The following TTLL1 variants were observed in gnomAD, a reference collection of about 807,000 sequenced individuals.
The protein encoded by TTLL1 is polyglutamylase complex subunit TTLL1.
Under a neutral mutation model 47.8 loss-of-function variants are expected in TTLL1, and 33 were observed. The ratio of observed to expected loss-of-function variants is 0.69; its 90% CI spans 0.52 to 0.92. TTLL1 has a LOEUF of 0.92. TTLL1 is among the 40% of genes least tolerant of loss of function. The pLI, the probability that TTLL1 is intolerant of heterozygous loss-of-function variation, is 0.00. For synonymous variants in TTLL1, 225 were observed against 214.1 expected (o/e 1.05, Z -0.45); for missense variants, 488 against 547.5 (o/e 0.89, Z 1.08).
At chr22:43,088,454 A>G (rs1189764333) in intron 1 of TTLL1, among the ~76,000 whole-genome samples, 1 of 143,746 alleles carries the variant, frequency 7.0e-6, no homozygotes, top group Non-Finnish European at 1.5e-5. Flanking sequence ...CTCCTGCCTC[A>G]GCCTCCCGAG....
At chr22:43,058,466 C>A (rs1333420475) in intron 8 of TTLL1, among the ~76,000 whole-genome samples, 1 of 152,192 alleles carries the variant, frequency 6.6e-6, no homozygotes, top group African/African-American at 2.4e-5. Flanking sequence ...AGACAAGACG[C>A]TGCTGGAAGT....
At chr22:43,069,391 CAAAAAAAAAAAA>C (rs1303585838) in intron 4 of TTLL1, among the ~76,000 whole-genome samples, 1 of 60,034 alleles carries the variant, frequency 1.7e-5, no homozygotes, top group Admixed American at 1.7e-4. Context: ...GATTCTGTCT[CAAAAAAAAAAAA>C]AAAAAAACGC....
chr22:43,058,717 A>G (rs1251955222), intron 8 of TTLL1, among the ~76,000 whole-genome samples: 1 of 92,594 alleles, frequency 1.1e-5, no homozygotes, highest in Non-Finnish European at 2.9e-5. Flanking sequence ...TTTTTGAGAC[A>G]GAGTTTCGCT....
At chr22:43,075,125 A>G (rs1389915849) in intron 3 of TTLL1, among the ~76,000 whole-genome samples, 1 of 152,092 alleles carries the variant, frequency 6.6e-6, no homozygotes, top group Non-Finnish European at 1.5e-5. Flanking sequence ...AGATCGCACC[A>G]TTGCACTCCA....
intron 3 of TTLL1, 127 bp downstream of exon 3, chr22:43,075,347 G>A (rs200028581): frequency 3.8e-6 from 3 of 779,870 alleles, no homozygotes; most frequent in African/African-American, 1.7e-5. Context: ...AAGGAAAAAT[G>A]TGTGCGGGGA....
At chr22:43,048,044 G>A (rs534761921) in intron 9 of TTLL1, among the ~76,000 whole-genome samples, 11 of 152,184 alleles carry the variant, frequency 7.2e-5, no homozygotes, top group African/African-American at 2.4e-4. Flanking sequence ...GGGGCCGGGC[G>A]CGGTGGCTCA....
intron 5 of TTLL1, among the ~76,000 whole-genome samples, chr22:43,065,550 A>C (rs1474629857): frequency 6.6e-6 from 1 of 151,752 alleles, no homozygotes; most frequent in Admixed American, 6.6e-5. Flanking sequence ...TTGGCCTCCC[A>C]AAGTGCTGGG....
At chr22:43,073,433 T>C (rs1158244226) in intron 3 of TTLL1, among the ~76,000 whole-genome samples, 1 of 151,994 alleles carries the variant, frequency 6.6e-6, no homozygotes, top group East Asian at 1.9e-4. Flanking sequence ...TTCAGCTCAC[T>C]GCAACCTCTG....
chr22:43,068,837 G>A (rs1217900282), intron 4 of TTLL1, among the ~76,000 whole-genome samples: 1 of 152,176 alleles, frequency 6.6e-6, no homozygotes, highest in Non-Finnish European at 1.5e-5. Context: ...GGGAGCTACT[G>A]TAAACCCTGT....
intron 6 of TTLL1, 25 bp from the exon 7 acceptor site, chr22:43,063,946 A>G: frequency 1.0e-5 from 16 of 1,606,834 alleles, no homozygotes; most frequent in Non-Finnish European, 1.4e-5. Context: ...AGATTAATTC[A>G]AACTCTGAGG....
intron 8 of TTLL1, among the ~76,000 whole-genome samples, chr22:43,053,550 G>A (rs1369632699): frequency 6.6e-6 from 1 of 152,070 alleles, no homozygotes; most frequent in African/African-American, 2.4e-5. Flanking sequence ...GTAGCTCTCA[G>A]TGTCTCTGTC....
intron 5 of TTLL1, among the ~76,000 whole-genome samples, chr22:43,067,028 G>C (rs1927782441): frequency 6.6e-6 from 1 of 151,934 alleles, no homozygotes; most frequent in South Asian, 2.1e-4. Flanking sequence ...AAAATGAGAA[G>C]GTGTCTCCTG....
At chr22:43,077,292 GCACA>G (rs1369198283) in intron 2 of TTLL1, among the ~76,000 whole-genome samples, 1 of 151,974 alleles carries the variant, frequency 6.6e-6, no homozygotes, top group Non-Finnish European at 1.5e-5. Flanking sequence ...CACAGGCCTC[GCACA>G]CACTGGGCCC....
chr22:43,070,289 A>G (rs1569438343), intron 3 of TTLL1: 3 of 1,047,292 alleles, frequency 2.9e-6, no homozygotes, highest in Admixed American at 2.4e-5. Context: ...CTGAGTCAGT[A>G]TTTGATATTC....
rs147239263 is a variant in TTLL1, at chr22:43,063,833, C to G, written c.727G>C (p.Val243Leu). 7 of 1,613,960 alleles carry G rather than the reference C, an allele frequency of 4.3e-6. No homozygotes were observed. The highest frequency in any genetic ancestry group is 5.9e-6 in the Non-Finnish European group (7 of 1,179,896). ...CTCACCCCGTGTTTCTGGATGGCGA[C>G]GTTGGTGAGATGAACGAACATGTTG... ...LDNMFVHLTN[V>L]AIQKHGEDYN... Residue 243 changes from valine to leucine, a missense_variant, in exon 7 of 11, where the codon GTC (valine) becomes CTC (leucine). Physicochemically the swap from Val to Leu is conservative, Grantham distance 32 (BLOSUM62 1). Transcript: ENST00000266254.
rs997486363 is a variant in TTLL1 at position 43,045,441 on chromosome 22, C to T, written c.1142+969G>A. 7.9e-5 allele frequency among the ~76,000 whole-genome samples: 12 copies of T among 151,514 alleles called. No homozygotes were observed. The South Asian group carries it at 1.7e-3, about 21-fold the overall frequency. ...CCTCGAAAGTTAGCTATTTCCTTCCCGCTCTGTAAAATAGATCTTATTATA... is the reference window on the plus strand; with the variant it reads ...CCTCGAAAGTTAGCTATTTCCTTCCTGCTCTGTAAAATAGATCTTATTATA... On this transcript the variant is annotated intron_variant, in intron 10 of 10. Coordinates refer to ENST00000266254, the MANE Select transcript of TTLL1 (RefSeq NM_012263.5).
intron 9 of TTLL1, among the ~76,000 whole-genome samples, chr22:43,050,853 G>A (rs1009430945): frequency 3.3e-5 from 5 of 152,188 alleles, no homozygotes; most frequent in African/African-American, 1.2e-4. Context: ...TGGAGGACAA[G>A]AAAGTACAAA....
At chr22:43,051,600 G>A (rs1031310270) in intron 9 of TTLL1, among the ~76,000 whole-genome samples, 4 of 152,086 alleles carry the variant, frequency 2.6e-5, no homozygotes, top group African/African-American at 9.7e-5. Flanking sequence ...TCCCTGTCGT[G>A]GGCTGGGCTC....
chr22:43,088,503 A>AT (rs11310162), intron 1 of TTLL1, among the ~76,000 whole-genome samples: 2,613 of 144,174 alleles, frequency 0.018, 84 homozygotes, highest in African/African-American at 0.062. Context: ...TGCCCGGCTA[A>AT]TTTTTTTTTT....
Sources: gnomAD v4.1 joint callset for allele counts (sites outside exome capture counted in the v4.1 genomes callset) on GRCh38, gnomAD v4.1.1 for gene constraint, MANE v1.5 for transcripts, NCBI Gene and HGNC (gene_info 2026-07-23, HGNC 2026-07-21) for gene names.